The following ZMYM4 variants were observed in gnomAD, a reference collection of about 807,000 sequenced individuals.
ZMYM4 encodes the protein zinc finger MYM-type protein 4.
Under a neutral mutation model 183.2 loss-of-function variants are expected in ZMYM4, and 31 were observed. The observed-to-expected ratio is 0.17, with a 90% CI of 0.13 to 0.23. ZMYM4 has a LOEUF of 0.23. ZMYM4 is among the 10% of genes least tolerant of loss of function. The pLI is 1.00. For synonymous variants in ZMYM4, 592 were observed against 631.2 expected (o/e 0.94, Z 0.93); for missense variants, 1,273 against 1,840.3 (o/e 0.69, Z 5.64).
chr1:35,390,873 A>T (rs949085382), intron 15 of ZMYM4, among the ~76,000 whole-genome samples: 1 of 152,212 alleles, frequency 6.6e-6, no homozygotes, highest in African/African-American at 2.4e-5. Flanking sequence ...CCTTTTAAAT[A>T]TACCATGTGC....
intron 2 of ZMYM4, among the ~76,000 whole-genome samples, chr1:35,342,101 T>C (rs1643220387): frequency 6.6e-6 from 1 of 152,190 alleles, no homozygotes; most frequent in Non-Finnish European, 1.5e-5. Context: ...TTAAAGAATT[T>C]TATATTTCAT....
chr1:35,306,425 A>G (rs1427794739), intron 1 of ZMYM4, among the ~76,000 whole-genome samples: 1 of 152,134 alleles, frequency 6.6e-6, no homozygotes, highest in African/African-American at 2.4e-5. Context: ...ATCCATTGTT[A>G]CCAGTATTCA....
chr1:35,322,104 T>C (rs1465706353), intron 1 of ZMYM4, among the ~76,000 whole-genome samples: 1 of 152,232 alleles, frequency 6.6e-6, no homozygotes, highest in East Asian at 1.9e-4. Flanking sequence ...GACATTTCTA[T>C]GTCTCTCTTC....
intron 1 of ZMYM4, among the ~76,000 whole-genome samples, chr1:35,286,810 T>G (rs1205246128): frequency 9.2e-6 from 1 of 108,120 alleles, no homozygotes; most frequent in African/African-American, 4.5e-5. Flanking sequence ...TTTTTTTTTT[T>G]GTAGAGACAG....
chr1:35,270,003 T>A (rs942281550), intron 1 of ZMYM4, among the ~76,000 whole-genome samples: 1 of 152,206 alleles, frequency 6.6e-6, no homozygotes, highest in Non-Finnish European at 1.5e-5. Context: ...GGCAAAAAAT[T>A]ACTACTTTAT....
At position 35,398,844 on chromosome 1, in the gene ZMYM4, T is replaced by C. The variant is rs774046385; in HGVS notation, c.3254-20T>C. 1.2e-6 allele frequency: 2 copies of C among 1,609,228 alleles called. No homozygotes were observed. Among genetic ancestry groups the C allele is most frequent in the African/African-American group, 1.3e-5 (1 of 74,870 alleles). The stretch of plus-strand genomic sequence containing the variant: ...AGGCTATTTTATTTTGAGGGCTTAA[T>C]TGTTATCTATATATTTCAGACCAAG... On this transcript the variant is annotated intron_variant, in intron 21 of 29. Coordinates refer to ENST00000314607, the MANE Select transcript of ZMYM4 (RefSeq NM_005095.3).
intron 2 of ZMYM4, among the ~76,000 whole-genome samples, chr1:35,358,365 C>T (rs1395232187): frequency 1.3e-5 from 2 of 152,106 alleles, no homozygotes; most frequent in African/African-American, 4.8e-5. Context: ...TAACTGCCGT[C>T]AGTGTTTATT....
chr1:35,397,304 C>A, intron 19 of ZMYM4, 73 bp from the exon 20 acceptor site: 1 of 1,383,864 alleles, frequency 7.2e-7, no homozygotes, highest in Non-Finnish European at 9.6e-7. Context: ...ATACCTAAAT[C>A]ATCTCACAAA....
chr1:35,405,150 A>T lies in ZMYM4; in HGVS notation c.3656A>T (p.Gln1219Leu). Residue 1219 changes from glutamine to leucine, a missense_variant, in exon 24 of 30, where the codon CAG (glutamine) becomes CTG (leucine). Physicochemically the swap from Gln to Leu is moderately radical, Grantham distance 113 (BLOSUM62 -2). This residue lies in a region of ZMYM4 where 133 missense variants were observed against 155.7 expected (regional missense o/e 0.85). Coordinates refer to ENST00000314607, the MANE Select transcript of ZMYM4 (RefSeq NM_005095.3). Reference sequence around the variant, plus strand: ...GTAAATGCTTGGAAGAACTGGGTTCAGTGGAAAAATGCCAAGGAAGAGCAG... The same window carrying T: ...GTAAATGCTTGGAAGAACTGGGTTCTGTGGAAAAATGCCAAGGAAGAGCAG... ...YGVNAWKNWV[Q>L]WKNAKEEQGD... is the part of the protein sequence containing the mutation. The T allele has an allele frequency of 6.2e-7, 1 of 1,614,148 alleles. No homozygotes were observed. Among genetic ancestry groups the T allele is most frequent in the Non-Finnish European group, 8.5e-7 (1 of 1,179,998 alleles).
chr1:35,414,880 C>T (rs986753638), intron 27 of ZMYM4, among the ~76,000 whole-genome samples: 1 of 151,676 alleles, frequency 6.6e-6, no homozygotes, highest in Admixed American at 6.6e-5. Flanking sequence ...AACTCTGTCT[C>T]TACAAAAAAT....
intron 29 of ZMYM4, among the ~76,000 whole-genome samples, chr1:35,419,244 G>A (rs1453064574): frequency 6.6e-6 from 1 of 152,120 alleles, no homozygotes; most frequent in Non-Finnish European, 1.5e-5. Context: ...AAATATTCCT[G>A]TAAACTATTT....
intron 1 of ZMYM4, among the ~76,000 whole-genome samples, chr1:35,304,877 T>C (rs775645436): frequency 6.4e-4 from 98 of 152,000 alleles, no homozygotes; most frequent in Non-Finnish European, 1.2e-3. Context: ...GACAGAGTCT[T>C]GCTCTGTCCC....
At chr1:35,338,794 C>T (rs12082767) in intron 2 of ZMYM4, among the ~76,000 whole-genome samples, 9,909 of 152,114 alleles carry the variant, frequency 0.065, 943 homozygotes, top group East Asian at 0.44. Flanking sequence ...AAATCTATTA[C>T]CCACTTGCTA....
intron 18 of ZMYM4, among the ~76,000 whole-genome samples, chr1:35,394,672 T>C (rs2148999150): frequency 6.6e-6 from 1 of 152,318 alleles, no homozygotes; most frequent in South Asian, 2.1e-4. Flanking sequence ...TTTGAACAGA[T>C]TGTCTTGAAT....
At chr1:35,298,193 C>T (rs547059497) in intron 1 of ZMYM4, among the ~76,000 whole-genome samples, 2 of 152,244 alleles carry the variant, frequency 1.3e-5, no homozygotes, top group African/African-American at 4.8e-5. Context: ...TAAAAAATGC[C>T]CCCCTGGGGT....
At chr1:35,397,803 A>G (rs1644836240) in intron 20 of ZMYM4, among the ~76,000 whole-genome samples, 1 of 152,164 alleles carries the variant, frequency 6.6e-6, no homozygotes, top group Admixed American at 6.5e-5. Context: ...TTTCATGATC[A>G]TTTTCCAATT....
At chr1:35,394,629 G>A (rs534453625) in intron 18 of ZMYM4, among the ~76,000 whole-genome samples, 9 of 152,266 alleles carry the variant, frequency 5.9e-5, no homozygotes, top group African/African-American at 1.9e-4. Flanking sequence ...TGTGATGGCT[G>A]AAATGTCACA....
Position 35,359,008 on chromosome 1 carries a change from C to T in ZMYM4, c.169C>T (p.Pro57Ser), listed in dbSNP as rs767735166. 1.2e-6 allele frequency: 2 copies of T among 1,613,644 alleles called. No homozygotes were observed. Among genetic ancestry groups the T allele is most frequent in the East Asian group, 2.2e-5 (1 of 44,834 alleles). Reference sequence around the variant, plus strand: ...CCTTGACAGCATGTCTTATGGAATGCCGAATCAAACAGGATCTGAAAATTC... The same window carrying T: ...CCTTGACAGCATGTCTTATGGAATGTCGAATCAAACAGGATCTGAAAATTC... Reference protein sequence around the residue: ...PTLDSMSYGMPNQTGSENSLL... With the variant: ...PTLDSMSYGMSNQTGSENSLL... Residue 57 changes from proline to serine, a missense_variant, in exon 3 of 30, where the codon CCG (proline) becomes TCG (serine). Transcript: ENST00000314607.
intron 1 of ZMYM4, among the ~76,000 whole-genome samples, chr1:35,322,593 G>A (rs1642330005): frequency 6.6e-6 from 1 of 152,140 alleles, no homozygotes; most frequent in East Asian, 1.9e-4. Context: ...TGACCTTGAC[G>A]AGAAAAGTTT....
Sources: gnomAD v4.1 joint callset for allele counts (sites outside exome capture counted in the v4.1 genomes callset) on GRCh38, gnomAD v4.1.1 for gene constraint, gnomAD v4.1.1 regional missense constraint, MANE v1.5 for transcripts, NCBI Gene and HGNC (gene_info 2026-07-23, HGNC 2026-07-21) for gene names.